PSMC6: variants seen among roughly 807,000 people sequenced by gnomAD.
The protein encoded by PSMC6 is 26S proteasome regulatory subunit 10B.
In PSMC6, 3 loss-of-function variants were observed where a neutral mutation model predicts 55.9. That is an observed-to-expected ratio of 0.05 (90% CI 0.02 to 0.14). The LOEUF (loss-of-function observed/expected upper bound fraction) is 0.14. Among genes scored for constraint, PSMC6 ranks in the 10% least tolerant of loss-of-function variants. PSMC6 has a pLI of 1.00. For synonymous variants in PSMC6, 137 were observed against 155.9 expected (o/e 0.88, Z 0.90); for missense variants, 210 against 478.7 (o/e 0.44, Z 5.24).
At chr14:52,719,681 G>A (rs1422715795) in intron 10 of PSMC6, among the ~76,000 whole-genome samples, 3 of 152,038 alleles carry the variant, frequency 2.0e-5, no homozygotes, top group Non-Finnish European at 2.9e-5. Context: ...ATACAGATCC[G>A]CTCAGAAGAT....
At chr14:52,718,053 T>TTA in intron 7 of PSMC6, 28 bp from the exon 8 acceptor site, 1 of 1,607,662 alleles carries the variant, frequency 6.2e-7, no homozygotes, top group Non-Finnish European at 8.5e-7. Flanking sequence ...CCTTACCATC[T>TTA]AATTAAGACT....
rs866188992 is a variant in PSMC6, at chr14:52,708,398, G to A, written c.165+10G>A. The A allele has an allele frequency of 9.3e-6, 15 of 1,612,682 alleles. 1 individual carries two copies. Among genetic ancestry groups the A allele is most frequent in the Middle Eastern group, 3.3e-4 (2 of 6,084 alleles). On this transcript the variant is annotated intron_variant, in intron 2 of 13. Coordinates refer to ENST00000445930, the MANE Select transcript of PSMC6 (RefSeq NM_002806.5). ...ACAGAGTGTTGGGCAGGTAGGTGAT[G>A]GAGTTTGGGGAATAGGGGGTGATGG...
intron 12 of PSMC6, chr14:52,723,379 T>C (rs750893843): frequency 6.5e-6 from 1 of 152,818 alleles, no homozygotes; most frequent in Non-Finnish European, 1.5e-5. Flanking sequence ...ATGTCTGTTA[T>C]GTGGGTGGAT....
chr14:52,724,930 T>A (rs536360492), intron 13 of PSMC6, among the ~76,000 whole-genome samples: 1 of 152,332 alleles, frequency 6.6e-6, no homozygotes, highest in East Asian at 1.9e-4. Context: ...GTGTTTAAAG[T>A]GGCTGCTCAG....
chr14:52,720,544 A>G (rs1041997721), intron 10 of PSMC6, among the ~76,000 whole-genome samples: 3 of 152,008 alleles, frequency 2.0e-5, no homozygotes, highest in African/African-American at 7.2e-5. Flanking sequence ...AATTTTGGAC[A>G]TTGGAAATTA....
rs1247542383 is a variant in PSMC6, at chr14:52,708,564, C to T, written c.205+42C>T. On this transcript the variant is annotated intron_variant, in intron 3 of 13. Transcript: ENST00000445930. The stretch of plus-strand genomic sequence containing the variant: ...CTTATTAATTAGTAAAGAAACAGTC[C>T]ACCTCTCTCTCACTTTTGAAATGCT... 1.9e-6 allele frequency: 3 copies of T among 1,583,054 alleles called. No individual in the cohort carries two copies. In the African/African-American group the frequency reaches 4.1e-5, roughly 21 times the overall value.
intron 10 of PSMC6, among the ~76,000 whole-genome samples, chr14:52,720,493 G>T (rs560463822): frequency 6.7e-6 from 1 of 149,534 alleles, no homozygotes; most frequent in East Asian, 2.0e-4. Flanking sequence ...TTTATATATT[G>T]GATTTTATTA....
At chr14:52,718,185 C>T (rs372154274) in intron 8 of PSMC6, 43 bp downstream of exon 8, 6 of 1,608,506 alleles carry the variant, frequency 3.7e-6, no homozygotes, top group Admixed American at 1.7e-5. Context: ...TTTAATTTTA[C>T]TTGAATTATC....
At chr14:52,718,710 C>CTTTTTA in intron 9 of PSMC6, 1 of 421,224 alleles carries the variant, frequency 2.4e-6, no homozygotes, top group South Asian at 3.0e-5. Context: ...CGCTTGAACC[C>CTTTTTA]AGGAGACGTA....
chr14:52,726,138 C>T (rs1325124810), intron 13 of PSMC6, among the ~76,000 whole-genome samples: 1 of 152,134 alleles, frequency 6.6e-6, no homozygotes, highest in East Asian at 1.9e-4. Context: ...TAGCAATAAA[C>T]TTACCTGCTT....
intron 7 of PSMC6, among the ~76,000 whole-genome samples, chr14:52,715,747 G>A (rs1038170385): frequency 2.0e-5 from 3 of 151,622 alleles, no homozygotes; most frequent in Non-Finnish European, 4.4e-5. Flanking sequence ...CTCCTGAGTA[G>A]CTGGTACTAC....
chr14:52,725,120 A>G (rs1880356649), intron 13 of PSMC6, among the ~76,000 whole-genome samples: 2 of 152,228 alleles, frequency 1.3e-5, no homozygotes, highest in Non-Finnish European at 2.9e-5. Context: ...GTAAACTGTC[A>G]TATAGCTTGA....
Position 52,728,265 on chromosome 14 carries a change from C to G in PSMC6, c.*648C>G, listed in dbSNP as rs1264863890. 1 of 152,210 alleles carries G rather than the reference C, an allele frequency of 6.6e-6. No individual in the cohort carries two copies. The highest frequency in any genetic ancestry group is 1.5e-5 in the Non-Finnish European group (1 of 68,050). 9.4% of individuals were successfully genotyped at this position (152,210 alleles called of 1,614,324 possible). Reference sequence around the variant, plus strand: ...TGAAAATATACATGCACATCCATAACTTTTTAAAGAGTATGATTCAACGTA... The same window carrying G: ...TGAAAATATACATGCACATCCATAAGTTTTTAAAGAGTATGATTCAACGTA... On this transcript the variant is annotated 3_prime_UTR_variant, in exon 14 of 14. Coordinates refer to ENST00000445930, the MANE Select transcript of PSMC6 (RefSeq NM_002806.5).
chr14:52,715,573 A>G (rs1217180495), intron 7 of PSMC6, among the ~76,000 whole-genome samples: 1 of 151,852 alleles, frequency 6.6e-6, no homozygotes, highest in Admixed American at 6.6e-5. Context: ...AGAAACATAT[A>G]TCTGGCACTA....
intron 4 of PSMC6, 100 bp from the exon 5 acceptor site, chr14:52,710,999 GGA>G (rs2041765845): frequency 1.2e-6 from 1 of 832,978 alleles, no homozygotes; most frequent in Non-Finnish European, 2.0e-6. Flanking sequence ...TGTTCTCTCT[GGA>G]GGGTAAAAAT....
intron 13 of PSMC6, among the ~76,000 whole-genome samples, chr14:52,726,309 C>T (rs1219739252): frequency 6.6e-6 from 1 of 152,150 alleles, no homozygotes; most frequent in Non-Finnish European, 1.5e-5. Context: ...AGTTGTGATA[C>T]TCAAATATGA....
At chr14:52,723,647 A>G (rs1450820322) in intron 12 of PSMC6, 4 of 254,884 alleles carry the variant, frequency 1.6e-5, no homozygotes, top group African/African-American at 9.0e-5. Flanking sequence ...TACAGTTTTG[A>G]TAAGAGTCAC....
intron 13 of PSMC6, among the ~76,000 whole-genome samples, chr14:52,727,129 T>C (rs1476818530): frequency 6.7e-6 from 1 of 149,520 alleles, no homozygotes; most frequent in Non-Finnish European, 1.5e-5. Context: ...CAAGCCATTC[T>C]CCTGCCTTAG....
intron 7 of PSMC6, among the ~76,000 whole-genome samples, chr14:52,714,888 ATT>A (rs67830638): frequency 7.3e-4 from 105 of 142,996 alleles, no homozygotes; most frequent in African/African-American, 1.7e-3. Context: ...AAAAAAAAAA[ATT>A]TTTTTATATA....
Sources: gnomAD v4.1 joint callset for allele counts (sites outside exome capture counted in the v4.1 genomes callset) on GRCh38, gnomAD v4.1.1 for gene constraint, MANE v1.5 for transcripts, NCBI Gene and HGNC (gene_info 2026-07-23, HGNC 2026-07-21) for gene names.